NBEA: variants seen among roughly 807,000 people sequenced by gnomAD.
NBEA encodes neurobeachin.
NBEA carries 44 observed loss-of-function variants against 343.4 expected under a neutral mutation model. The observed-to-expected ratio is 0.13, with a 90% CI of 0.10 to 0.16. NBEA has a LOEUF of 0.16. Among genes scored for constraint, NBEA ranks in the 10% least tolerant of loss-of-function variants. NBEA has a pLI of 1.00. For synonymous variants in NBEA, 1,175 were observed against 1,238.7 expected, an observed-to-expected ratio of 0.95 and a Z score of 1.08; for missense variants, 2,555 against 3,631.3, an observed-to-expected ratio of 0.70 and a Z score of 7.62.
At chr13:35,233,911 G>A (rs2075098967) in intron 34 of NBEA, among the ~76,000 whole-genome samples, 1 of 152,064 alleles carries the variant, frequency 6.6e-6, no homozygotes. Flanking sequence ...ATTTTAAATA[G>A]GCCTCATGGT....
intron 35 of NBEA, among the ~76,000 whole-genome samples, chr13:35,307,383 G>T (rs1384106089): frequency 6.6e-6 from 1 of 151,970 alleles, no homozygotes; most frequent in East Asian, 1.9e-4. Flanking sequence ...ACTTTAAACT[G>T]TAATGTCCTT....
At chr13:35,184,736 TG>T (rs1238716296) in intron 30 of NBEA, among the ~76,000 whole-genome samples, 1 of 151,622 alleles carries the variant, frequency 6.6e-6, no homozygotes, top group Non-Finnish European at 1.5e-5. Flanking sequence ...AAGAGAGAAA[TG>T]GAAGATATAA....
chr13:34,965,532 A>C (rs551564808), intron 1 of NBEA, among the ~76,000 whole-genome samples: 7 of 152,140 alleles, frequency 4.6e-5, no homozygotes, highest in Non-Finnish European at 7.4e-5. Flanking sequence ...ATTCCAGATA[A>C]AGAAATCTGA....
chr13:35,178,176 G>A (rs1365958677), intron 28 of NBEA, among the ~76,000 whole-genome samples: 1 of 151,710 alleles, frequency 6.6e-6, no homozygotes, highest in African/African-American at 2.4e-5. Context: ...CATTGTCTGG[G>A]TGCAGTGAAA....
intron 47 of NBEA, among the ~76,000 whole-genome samples, chr13:35,602,751 G>C (rs1484492333): frequency 6.6e-6 from 1 of 152,098 alleles, no homozygotes; most frequent in African/African-American, 2.4e-5. Flanking sequence ...GAAGGCCCTG[G>C]TAACACGACT....
chr13:34,981,052 T>G (rs73492304), intron 1 of NBEA, among the ~76,000 whole-genome samples: 2,346 of 152,278 alleles, frequency 0.015, 65 homozygotes, highest in African/African-American at 0.054. Flanking sequence ...ACTCTCCAAA[T>G]AAATAATATG....
At chr13:35,162,901 T>C (rs1474107406) in intron 23 of NBEA, among the ~76,000 whole-genome samples, 1 of 152,186 alleles carries the variant, frequency 6.6e-6, no homozygotes, top group African/African-American at 2.4e-5. Flanking sequence ...AGAAAGATTT[T>C]ACTTTTGATT....
chr13:35,452,385 A>C, intron 40 of NBEA, 150 bp downstream of exon 40: 1 of 639,000 alleles, frequency 1.6e-6, no homozygotes, highest in South Asian at 2.1e-5. Flanking sequence ...TCTCATTTCT[A>C]ATATTGAAGA....
intron 5 of NBEA, among the ~76,000 whole-genome samples, chr13:35,049,501 T>A (rs2062988778): frequency 6.6e-6 from 1 of 151,770 alleles, no homozygotes; most frequent in South Asian, 2.1e-4. Flanking sequence ...GGGTCAGAAA[T>A]GTGAACACAG....
intron 6 of NBEA, among the ~76,000 whole-genome samples, chr13:35,054,646 T>C (rs1458241194): frequency 1.4e-5 from 2 of 146,910 alleles, no homozygotes; most frequent in African/African-American, 5.0e-5. Flanking sequence ...TTCTTTTCTT[T>C]TTTTTTTTTT....
In NBEA at chr13:35,654,918, A is replaced by G; in HGVS notation, c.8099A>G (p.Asn2700Ser). 6.3e-7 allele frequency: 1 copy of G among 1,591,476 alleles called. No homozygotes were observed. Among genetic ancestry groups the G allele is most frequent in the Non-Finnish European group, 8.5e-7 (1 of 1,172,410 alleles). ...TDLVDQSIQI[N>S]AHCFVVTADN... ...CTCGTTGACCAGAGTATACAAATCA[A>G]TGCACATTGTTTTGTGGTAACAGCA... Residue 2700 changes from asparagine to serine, a missense_variant, in exon 54 of 59, where the codon AAT becomes AGT. Transcript: ENST00000379939.
intron 40 of NBEA, among the ~76,000 whole-genome samples, chr13:35,460,769 T>C (rs2046858343): frequency 1.3e-5 from 2 of 152,226 alleles, no homozygotes; most frequent in Admixed American, 1.3e-4. Flanking sequence ...TTAGACATTG[T>C]CTTAGTTCAT....
In NBEA at chr13:35,616,275, A is replaced by G. The variant is rs1191636084; in HGVS notation, c.7449+9697A>G. On this transcript the variant is annotated intron_variant, in intron 48 of 58. Transcript: ENST00000379939. Reference sequence around the variant, plus strand: ...CTGTATTTTGAATTAAATTTAATTTATAGATTGACCTGCGAACAAAACCAT... The same window carrying G: ...CTGTATTTTGAATTAAATTTAATTTGTAGATTGACCTGCGAACAAAACCAT... Among the ~76,000 whole-genome samples, 3 of 152,206 alleles carry G rather than the reference A, an allele frequency of 2.0e-5. No individual in the cohort carries two copies. In the East Asian group the frequency reaches 5.8e-4, roughly 29 times the overall value.
chr13:35,156,247 T>C (rs2069163554), intron 20 of NBEA, 41 bp downstream of exon 20: 2 of 1,473,222 alleles, frequency 1.4e-6, no homozygotes, highest in Non-Finnish European at 1.8e-6. Context: ...TATTCCATAA[T>C]TAATATTTTC....
intron 40 of NBEA, among the ~76,000 whole-genome samples, chr13:35,469,099 C>CAAAAAAAAAA (rs34222156): frequency 1.2e-5 from 1 of 85,020 alleles, no homozygotes; most frequent in Non-Finnish European, 2.1e-5. Flanking sequence ...GACTCTATCT[C>CAAAAAAAAAA]AAAAAAAAAA....
In NBEA at chr13:35,550,547, G is replaced by C; in HGVS notation, c.6656G>C (p.Arg2219Pro). 1 of 1,613,252 alleles carries C rather than the reference G, an allele frequency of 6.2e-7. No individual in the cohort carries two copies. The highest frequency in any genetic ancestry group is 8.5e-7 in the Non-Finnish European group (1 of 1,179,430). ...FSEIRAVFSR[R>P]YLLQNTALEV... ...GAGATACGAGCTGTATTTTCAAGAC[G>C]TTACCTTCTACAAAACACTGCTTTG... The change falls in exon 42 of 59, where the codon CGT (arginine) becomes CCT (proline). Residue 2219 changes from arginine (R) to proline (P), a missense_variant. By Grantham distance (103) the Arg-to-Pro change is moderately radical. Coordinates refer to ENST00000379939, the MANE Select transcript of NBEA (RefSeq NM_001385012.1).
chr13:35,014,381 T>C (rs942012277), intron 1 of NBEA, among the ~76,000 whole-genome samples: 3 of 152,204 alleles, frequency 2.0e-5, no homozygotes, highest in African/African-American at 7.2e-5. Flanking sequence ...AAATTCATTA[T>C]GTACTCTGAT....
chr13:34,964,934 G>A (rs2059773400), intron 1 of NBEA, among the ~76,000 whole-genome samples: 1 of 151,974 alleles, frequency 6.6e-6, no homozygotes, highest in African/African-American at 2.4e-5. Flanking sequence ...TAGAGTAGAG[G>A]ACCCATCACA....
At chr13:35,484,757 T>C (rs1566205458) in intron 41 of NBEA, among the ~76,000 whole-genome samples, 1 of 152,112 alleles carries the variant, frequency 6.6e-6, no homozygotes, top group Non-Finnish European at 1.5e-5. Flanking sequence ...GATAAATGAC[T>C]GCATGTATTT....
Sources: allele counts gnomAD v4.1 joint callset (sites outside exome capture counted in the v4.1 genomes callset), GRCh38; gene constraint gnomAD v4.1.1; transcripts MANE v1.5; gene names NCBI Gene and HGNC (gene_info 2026-07-23, HGNC 2026-07-21).